Variants in DNAI7 observed in about 807,000 individuals in gnomAD.
DNAI7 encodes the protein dynein axonemal intermediate chain 7.
A neutral mutation model predicts 86.6 loss-of-function variants in DNAI7; 78 were observed. The observed-to-expected ratio is 0.90, with a 90% CI of 0.75 to 1.09. The LOEUF is 1.09. DNAI7 is among the 50% of genes least tolerant of loss of function. DNAI7 has a pLI of 0.00. For missense variants in DNAI7, 753 were observed against 810.2 expected (o/e 0.93, Z 0.86); for synonymous variants, 274 against 273.0 (o/e 1.00, Z -0.04).
chr12:25,174,660 A>G (rs1261249917), intron 2 of DNAI7, among the ~76,000 whole-genome samples: 3 of 134,510 alleles, frequency 2.2e-5, no homozygotes, highest in Non-Finnish European at 4.6e-5. Context: ...TAGATATCAT[A>G]TATATGGAAT....
At position 25,164,813 on chromosome 12, in the gene DNAI7, A is replaced by G. The variant is rs370495609; in HGVS notation, c.22-3616T>C. On this transcript the variant is annotated intron_variant, in intron 2 of 15. Coordinates refer to ENST00000395987, the MANE Select transcript of DNAI7 (RefSeq NM_018272.5). ...GACCCATCTGACTTCTCCCCTCCTC[A>G]CCAGGCCGAGCTAGGTCACAATTCT... 7.0e-4 allele frequency among the ~76,000 whole-genome samples: 106 copies of G among 150,936 alleles called. 1 individual carries two copies. Among genetic ancestry groups the G allele is most frequent in the South Asian group, 4.4e-3 (21 of 4,752 alleles).
At chr12:25,166,811 C>G (rs1394031136) in intron 2 of DNAI7, among the ~76,000 whole-genome samples, 1 of 152,180 alleles carries the variant, frequency 6.6e-6, no homozygotes, top group Non-Finnish European at 1.5e-5. Flanking sequence ...TGCTTTAATA[C>G]TTTTAGAGGC....
intron 2 of DNAI7, among the ~76,000 whole-genome samples, chr12:25,173,848 ACAT>A (rs1440223482): frequency 1.4e-5 from 2 of 143,462 alleles, no homozygotes; most frequent in South Asian, 2.2e-4. Context: ...ATATATATAT[ACAT>A]CATATGTATA....
chr12:25,150,112 A>C (rs1215999747), intron 6 of DNAI7, among the ~76,000 whole-genome samples: 1 of 152,128 alleles, frequency 6.6e-6, no homozygotes. Context: ...GCAAATCACC[A>C]TTTTTCAATC....
chr12:25,113,938 GTTT>G lies in DNAI7; in HGVS notation c.1611+715_1611+717del, dbSNP rs112532652. ...ATGTAATTTCTTTCTTTCTTTCTGGGTTTTTTTTTTTTTTTTTTTTTTTTTGAG... is the reference window on the plus strand; with the variant it reads ...ATGTAATTTCTTTCTTTCTTTCTGGGTTTTTTTTTTTTTTTTTTTTTTGAG... On this transcript the variant is annotated intron_variant, in intron 13 of 15. Transcript: ENST00000395987. Among the ~76,000 whole-genome samples, 293 of 82,786 alleles carry G rather than the reference GTTT, an allele frequency of 3.5e-3. 2 individuals carry two copies. The highest frequency in any genetic ancestry group is 0.013 in the African/African-American group (255 of 20,376). The allele number at this position is 82,786 out of a possible 152,430, so 54.3% of individuals were successfully genotyped here.
At chr12:25,174,617 TATATATGGG>T (rs1948721441) in intron 2 of DNAI7, among the ~76,000 whole-genome samples, 9 of 130,520 alleles carry the variant, frequency 6.9e-5, no homozygotes, top group Non-Finnish European at 1.4e-4. Flanking sequence ...ATATATATCA[TATATATGGG>T]ATATATATCA....
chr12:25,135,272 G>A (rs532376225), intron 9 of DNAI7, among the ~76,000 whole-genome samples: 4 of 152,288 alleles, frequency 2.6e-5, no homozygotes, highest in South Asian at 4.1e-4. Flanking sequence ...TTAGAAAGCC[G>A]AATGAAATAT....
chr12:25,140,240 A>C (rs1236338313), intron 9 of DNAI7, among the ~76,000 whole-genome samples: 1 of 104,064 alleles, frequency 9.6e-6, no homozygotes, highest in Non-Finnish European at 2.1e-5. Context: ...AAATCAGTAA[A>C]GAAGAAGTCA....
chr12:25,108,825 T>TAGAAAAAAAAAAAAAAAA lies in DNAI7; in HGVS notation c.1894-3_1894-2insTTTTTTTTTTTTTTTTCT. On this transcript the variant is annotated splice_polypyrimidine_tract_variant and splice_region_variant and intron_variant, in intron 15 of 15. Coordinates refer to ENST00000395987, the MANE Select transcript of DNAI7 (RefSeq NM_018272.5). ...TGCTTCAGTAAGGTGTTCCCTCACC[T>TAGAAAAAAAAAAAAAAAA]AAAAAAAAAAAAAATTCAAGCAAGT... The TAGAAAAAAAAAAAAAAAA allele has an allele frequency of 9.6e-6, 1 of 104,528 alleles. No homozygotes were observed. The highest frequency in any genetic ancestry group is 1.7e-4 in the East Asian group (1 of 5,924). 6.5% of individuals were successfully genotyped at this position (104,528 alleles called of 1,614,324 possible). A position where few individuals can be genotyped will look rare whatever the true frequency, so the allele number is the denominator to read the frequency against.
chr12:25,116,874 TAC>T lies in DNAI7; in HGVS notation c.1397-2006_1397-2005del, dbSNP rs769578819. 6.8e-4 allele frequency among the ~76,000 whole-genome samples: 103 copies of T among 152,342 alleles called. 1 individual carries two copies. The Middle Eastern group carries it at 0.014, about 20-fold the overall frequency. The stretch of plus-strand genomic sequence containing the variant: ...ACCTCTGAAACAATATCAAAAGAGA[TAC>T]AGTTGTTCATGTTGATGTATTTTAT... On this transcript the variant is annotated intron_variant, in intron 12 of 15. Coordinates refer to ENST00000395987, the MANE Select transcript of DNAI7 (RefSeq NM_018272.5).
chr12:25,112,006 G>T, intron 13 of DNAI7, 67 bp from the exon 14 acceptor site: 1 of 1,006,094 alleles, frequency 9.9e-7, no homozygotes, highest in Non-Finnish European at 1.4e-6. Context: ...CACTCCAGGT[G>T]CAGCCTTTAG....
chr12:25,119,202 C>T lies in DNAI7; in HGVS notation c.1339G>A (p.Val447Ile). 1 of 1,613,126 alleles carries T rather than the reference C, an allele frequency of 6.2e-7. No individual in the cohort carries two copies. Among genetic ancestry groups the T allele is most frequent in the Non-Finnish European group, 8.5e-7 (1 of 1,179,528 alleles). ...TCAAAAAAGATTACATTCTCATGAA[C>T]CTCAAGTGTGACCTCTATAGGTGGG... ...AFPPIEVTLE[V>I]HENVIFFEDP... Residue 447 changes from valine (V) to isoleucine (I), a missense_variant, in exon 12 of 16, where the codon GTT becomes ATT. Coordinates refer to ENST00000395987, the MANE Select transcript of DNAI7 (RefSeq NM_018272.5).
At chr12:25,117,641 T>C (rs1940393785) in intron 12 of DNAI7, among the ~76,000 whole-genome samples, 1 of 152,152 alleles carries the variant, frequency 6.6e-6, no homozygotes, top group Non-Finnish European at 1.5e-5. Flanking sequence ...AACAAATCAT[T>C]AGCTTGTATC....
rs1488402559 is a variant in DNAI7, at chr12:25,111,893, T to C, written c.1658A>G (p.His553Arg). ...CCAGGTTCCTTCCAAAATAGAGATGTGTTTCTTGTCTTTTAGTTTGATTGA... is the reference window on the plus strand; with the variant it reads ...CCAGGTTCCTTCCAAAATAGAGATGCGTTTCTTGTCTTTTAGTTTGATTGA... ...LSSIKLKDKK[H>R]ISILEGTWMT... The change falls in exon 14 of 16, where the codon CAC (histidine) becomes CGC (arginine). Residue 553 changes from histidine (H) to arginine (R), a missense_variant. By Grantham distance (29) the His-to-Arg change is conservative. Transcript: ENST00000395987. 6.2e-7 allele frequency: 1 copy of C among 1,604,508 alleles called. No homozygotes were observed. The highest frequency in any genetic ancestry group is 1.3e-5 in the African/African-American group (1 of 74,642).
At chr12:25,143,344 G>T (rs1944439697) in intron 9 of DNAI7, among the ~76,000 whole-genome samples, 1 of 151,166 alleles carries the variant, frequency 6.6e-6, no homozygotes, top group South Asian at 2.1e-4. Context: ...CGCCTCCTGG[G>T]TTGAAGCAAT....
intron 4 of DNAI7, 27 bp from the exon 5 acceptor site, chr12:25,155,439 T>C: frequency 8.0e-7 from 1 of 1,253,426 alleles, no homozygotes; most frequent in Non-Finnish European, 1.1e-6. Context: ...GATACATTGA[T>C]CAGCTCTTTA....
At chr12:25,181,645 C>G (rs189072836) in intron 2 of DNAI7, among the ~76,000 whole-genome samples, 53 of 151,734 alleles carry the variant, frequency 3.5e-4, no homozygotes, top group African/African-American at 1.2e-3. Context: ...ATGCATCTGA[C>G]AAAGGACAAA....
chr12:25,149,619 C>T lies in DNAI7; in HGVS notation c.585+9G>A, dbSNP rs199790240. 5.0e-4 allele frequency: 786 copies of T among 1,584,540 alleles called. No individual in the cohort carries two copies. The highest frequency in any genetic ancestry group is 6.1e-4 in the Non-Finnish European group (712 of 1,165,296). On this transcript the variant is annotated intron_variant, in intron 7 of 15. Coordinates refer to ENST00000395987, the MANE Select transcript of DNAI7 (RefSeq NM_018272.5). ...AAAACTTAATATATAAGCAAAATATCACACTTACTTTGAGAAGTATTTCTG... is the reference window on the plus strand; with the variant it reads ...AAAACTTAATATATAAGCAAAATATTACACTTACTTTGAGAAGTATTTCTG...
chr12:25,154,321 T>C lies in DNAI7; in HGVS notation c.436A>G (p.Asn146Asp). The change falls in exon 6 of 16, where the codon AAT (asparagine) becomes GAT (aspartate). Residue 146 changes from asparagine to aspartate, a missense_variant and splice_region_variant. Transcript: ENST00000395987. ...EVIEKSKVVL[N>D]LIEKLKFILL... Reference sequence around the variant, plus strand: ...TAGGAAAATGCATAAATACCTACATTTAGCACTACTTTACTCTTCTCAATC... The same window carrying C: ...TAGGAAAATGCATAAATACCTACATCTAGCACTACTTTACTCTTCTCAATC... 1 of 1,595,894 alleles carries C rather than the reference T, an allele frequency of 6.3e-7. No homozygotes were observed. Among genetic ancestry groups the C allele is most frequent in the South Asian group, 1.2e-5 (1 of 86,816 alleles).
Sources: allele counts gnomAD v4.1 joint callset (sites outside exome capture counted in the v4.1 genomes callset), GRCh38; gene constraint gnomAD v4.1.1; transcripts MANE v1.5; gene names NCBI Gene and HGNC (gene_info 2026-07-23, HGNC 2026-07-21).